Variants in FRMPD1 observed in about 807,000 individuals in gnomAD.
FRMPD1 encodes FERM and PDZ domain containing 1, also known as FERM and PDZ domain-containing protein 1.
In FRMPD1, 76 loss-of-function variants were observed where a neutral mutation model predicts 117.8. The observed-to-expected ratio is 0.65, with a 90% CI of 0.54 to 0.78. The LOEUF is 0.78. Among genes scored for constraint, FRMPD1 ranks in the 30% least tolerant of loss-of-function variants. The probability of loss-of-function intolerance (pLI) is 0.00; values close to 1 mark genes in which losing one functional copy is unlikely to be tolerated. For missense variants in FRMPD1, 1,786 were observed against 1,964.5 expected (o/e 0.91, Z 1.72); for synonymous variants, 783 against 770.4 (o/e 1.02, Z -0.27).
intron 14 of FRMPD1, 60 bp downstream of exon 14, chr9:37,737,303 G>C: frequency 2.0e-6 from 3 of 1,532,562 alleles, no homozygotes; most frequent in South Asian, 1.1e-5. Flanking sequence ...TTGTAGGTAA[G>C]GGCAGCCTAA....
At position 37,729,766 on chromosome 9, in the gene FRMPD1, A is replaced by G; in HGVS notation, c.651A>G (p.Arg217=). 6.2e-7 allele frequency: 1 copy of G among 1,614,016 alleles called. No individual in the cohort carries two copies. Residue 217 remains arginine (R), a synonymous_variant, in exon 8 of 16, where the codon CGA becomes CGG. Transcript: ENST00000377765. The stretch of plus-strand genomic sequence containing the variant: ...CCGTGAAGGAGAAGCTGTCCATCCG[A>G]AGTATCGAGTACTTTGCACTGGCCC... ...ILTVKEKLSI[R]SIEYFALALE...
At chr9:37,611,826 C>T in the FRMPD1 span, among the ~76,000 whole-genome samples, 1 of 152,146 alleles carries the variant, frequency 6.6e-6, no homozygotes, top group Non-Finnish European at 1.5e-5. Context: ...CCTTCAATGT[C>T]TATCTTCTGT....
chr9:37,683,858 A>G (rs113906260), intron 1 of FRMPD1, among the ~76,000 whole-genome samples: 5,093 of 64,344 alleles, frequency 0.079, 196 homozygotes, highest in East Asian at 0.3. Context: ...AGATGAAGTT[A>G]GCAAGTAGGC....
chr9:37,671,943 GT>G (rs1206371018), intron 1 of FRMPD1, among the ~76,000 whole-genome samples: 2 of 152,160 alleles, frequency 1.3e-5, no homozygotes, highest in Non-Finnish European at 2.9e-5. Context: ...TCCAGCCTGG[GT>G]GACAGAGCAA....
intron 1 of FRMPD1, among the ~76,000 whole-genome samples, chr9:37,660,877 C>A (rs548829767): frequency 6.6e-6 from 1 of 152,118 alleles, no homozygotes; most frequent in Non-Finnish European, 1.5e-5. Context: ...CAGTGTTGAC[C>A]GATGAAATGA....
chr9:37,632,711 A>G, the FRMPD1 span, among the ~76,000 whole-genome samples: 1 of 152,138 alleles, frequency 6.6e-6, no homozygotes, highest in African/African-American at 2.4e-5. Flanking sequence ...TCCTTGAACC[A>G]ATCATTACAG....
the FRMPD1 span, among the ~76,000 whole-genome samples, chr9:37,621,524 C>T: frequency 2.0e-5 from 3 of 152,126 alleles, no homozygotes; most frequent in African/African-American, 4.8e-5. Context: ...CACCTCACTT[C>T]AGCAGGACCA....
rs768662436 is a variant in FRMPD1, at chr9:37,746,086, G to C, written c.4054G>C (p.Glu1352Gln). The part of the protein sequence containing the change: ...TCFRGPQPET[E>Q]EEDRDLEAHP... The stretch of plus-strand genomic sequence containing the variant: ...CTTCCGTGGCCCGCAGCCTGAGACA[G>C]AGGAAGAAGACAGGGACTTGGAAGC... Residue 1352 changes from glutamate (E) to glutamine (Q), a missense_variant, in exon 16 of 16, where the codon GAG (glutamate) becomes CAG (glutamine). Coordinates refer to ENST00000377765, the MANE Select transcript of FRMPD1 (RefSeq NM_014907.3). 61 of 1,614,102 alleles carry C rather than the reference G, an allele frequency of 3.8e-5. No individual in the cohort carries two copies. The highest frequency in any genetic ancestry group is 5.5e-5 in the South Asian group (5 of 91,094).
the FRMPD1 span, among the ~76,000 whole-genome samples, chr9:37,618,882 G>T: frequency 6.6e-6 from 1 of 152,142 alleles, no homozygotes; most frequent in African/African-American, 2.4e-5. Context: ...CCTTTAGTGG[G>T]AGGAGGCAAA....
chr9:37,619,196 G>A, the FRMPD1 span, among the ~76,000 whole-genome samples: 3 of 152,274 alleles, frequency 2.0e-5, no homozygotes, highest in South Asian at 2.1e-4. Flanking sequence ...ACTTGGGAAC[G>A]TTTCCATTTT....
intron 2 of FRMPD1, among the ~76,000 whole-genome samples, chr9:37,695,576 TG>T (rs1337007439): frequency 6.6e-6 from 1 of 152,164 alleles, no homozygotes; most frequent in Non-Finnish European, 1.5e-5. Context: ...CTGTAATCTT[TG>T]GTGTCCTCAG....
chr9:37,677,526 G>T (rs1439541909), intron 1 of FRMPD1, among the ~76,000 whole-genome samples: 1 of 152,210 alleles, frequency 6.6e-6, no homozygotes, highest in Non-Finnish European at 1.5e-5. Context: ...TGTGGGGCAG[G>T]TGAAGTCAGC....
In FRMPD1 at chr9:37,746,214, G is replaced by C. The variant is rs201150264; in HGVS notation, c.4182G>C (p.Ser1394=). Residue 1394 remains serine (S), a synonymous_variant, in exon 16 of 16, where the codon TCG becomes TCC. Coordinates refer to ENST00000377765, the MANE Select transcript of FRMPD1 (RefSeq NM_014907.3). ...RAHSCTTAPL[S]RKSHIWPEYC... ...ACAGCTGCACCACCGCACCCCTGTC[G>C]AGGAAAAGCCACATCTGGCCAGAGT... 6.8e-6 allele frequency: 11 copies of C among 1,613,096 alleles called. No homozygotes were observed. The African/African-American group carries it at 1.3e-4, about 20-fold the overall frequency.
intron 7 of FRMPD1, among the ~76,000 whole-genome samples, chr9:37,726,710 T>TATAA (rs562797754): frequency 0.031 from 4,770 of 151,634 alleles, 75 homozygotes; most frequent in African/African-American, 0.042. Flanking sequence ...AAAAAATAAA[T>TATAA]ATAAATAAAT....
At chr9:37,680,155 T>C (rs1467381970) in intron 1 of FRMPD1, among the ~76,000 whole-genome samples, 1 of 152,138 alleles carries the variant, frequency 6.6e-6, no homozygotes, top group East Asian at 1.9e-4. Context: ...TGCCACCCTG[T>C]AGCTCTCGAA....
At chr9:37,690,412 T>C (rs901383213) in intron 1 of FRMPD1, among the ~76,000 whole-genome samples, 3 of 152,222 alleles carry the variant, frequency 2.0e-5, no homozygotes, top group Admixed American at 2.0e-4. Context: ...TTTCTTCTGT[T>C]TTCTACATTG....
chr9:37,626,049 G>C, the FRMPD1 span, among the ~76,000 whole-genome samples: 1 of 152,052 alleles, frequency 6.6e-6, no homozygotes, highest in Non-Finnish European at 1.5e-5. Flanking sequence ...AAACATGGCT[G>C]GGCGCGGTGG....
chr9:37,689,470 C>T (rs757464634), intron 1 of FRMPD1, among the ~76,000 whole-genome samples: 40 of 152,258 alleles, frequency 2.6e-4, no homozygotes, highest in South Asian at 1.0e-3. Context: ...TACACAAACA[C>T]ATCAGATAAC....
the FRMPD1 span, among the ~76,000 whole-genome samples, chr9:37,610,235 G>T: frequency 6.6e-6 from 1 of 152,184 alleles, no homozygotes; most frequent in Non-Finnish European, 1.5e-5. Context: ...TTTGATGCAA[G>T]CATACAGTGT....
Sources: allele counts gnomAD v4.1 joint callset (sites outside exome capture counted in the v4.1 genomes callset), GRCh38; gene constraint gnomAD v4.1.1; transcripts MANE v1.5; gene names NCBI Gene and HGNC (gene_info 2026-07-23, HGNC 2026-07-21).